The following CAGE1 variants were observed in gnomAD, a reference collection of about 807,000 sequenced individuals.
The protein encoded by CAGE1 is cancer-associated gene 1 protein.
Under a neutral mutation model 94.9 loss-of-function variants are expected in CAGE1, and 66 were observed. The ratio of observed to expected loss-of-function variants is 0.70; its 90% confidence interval spans 0.57 to 0.85. CAGE1 has a LOEUF of 0.85. Among genes scored for constraint, CAGE1 ranks in the 40% least tolerant of loss-of-function variants. CAGE1 has a pLI of 0.00. For synonymous variants in CAGE1, 319 were observed against 321.0 expected, an observed-to-expected ratio of 0.99 and a Z score of 0.07; for missense variants, 865 against 950.4, an observed-to-expected ratio of 0.91 and a Z score of 1.18.
intron 11 of CAGE1, among the ~76,000 whole-genome samples, chr6:7,352,290 C>CAAAAAAAAAAAAAAA (rs77426667): frequency 1.1e-4 from 5 of 43,626 alleles, no homozygotes; most frequent in South Asian, 9.9e-4. Context: ...ACAATAGCTG[C>CAAAAAAAAAAAAAAA]AAAAAAAAAA....
chr6:7,369,189 G>A (rs1020787070), intron 6 of CAGE1, among the ~76,000 whole-genome samples: 2 of 151,988 alleles, frequency 1.3e-5, no homozygotes, highest in African/African-American at 2.4e-5. Flanking sequence ...TGTATTTTTA[G>A]TAGAGATGGG....
chr6:7,374,670 A>C (rs920298481), intron 4 of CAGE1, among the ~76,000 whole-genome samples: 1 of 152,262 alleles, frequency 6.6e-6, no homozygotes, highest in Admixed American at 6.5e-5. Context: ...CAGGAACATT[A>C]GAATGGCAGA....
chr6:7,369,009 AAT>A (rs1760450674), intron 6 of CAGE1, among the ~76,000 whole-genome samples: 1 of 132,518 alleles, frequency 7.5e-6, no homozygotes, highest in African/African-American at 2.9e-5. Context: ...TTTTTATTTT[AAT>A]TTTTTTTTTT....
At chr6:7,388,167 C>T (rs925824075) in intron 1 of CAGE1, among the ~76,000 whole-genome samples, 3 of 152,108 alleles carry the variant, frequency 2.0e-5, no homozygotes, top group Non-Finnish European at 4.4e-5. Context: ...GAAAGGATGG[C>T]CACTCACATT....
intron 11 of CAGE1, among the ~76,000 whole-genome samples, chr6:7,344,676 C>T (rs1222474480): frequency 1.3e-5 from 2 of 152,344 alleles, no homozygotes; most frequent in South Asian, 2.1e-4. Flanking sequence ...GCCAGCTGAG[C>T]TTCTGAGTCT....
intron 3 of CAGE1, 132 bp from the exon 4 acceptor site, chr6:7,379,152 T>G: frequency 1.7e-6 from 1 of 579,012 alleles, no homozygotes; most frequent in East Asian, 3.1e-5. Context: ...CCTTATTTAC[T>G]GTGTGAATTT....
intron 11 of CAGE1, among the ~76,000 whole-genome samples, chr6:7,349,227 C>T (rs1442759745): frequency 6.6e-6 from 1 of 152,190 alleles, no homozygotes; most frequent in Non-Finnish European, 1.5e-5. Context: ...AGAAACCCTA[C>T]AAGCTAGAAG....
At chr6:7,337,669 T>C (rs1324895840) in intron 11 of CAGE1, among the ~76,000 whole-genome samples, 1 of 152,250 alleles carries the variant, frequency 6.6e-6, no homozygotes, top group Non-Finnish European at 1.5e-5. Context: ...CACTTGTCCA[T>C]ATATGCATGG....
intron 9 of CAGE1, among the ~76,000 whole-genome samples, chr6:7,358,137 C>A (rs1760044510): frequency 6.8e-6 from 1 of 146,090 alleles, no homozygotes; most frequent in Non-Finnish European, 1.5e-5. Flanking sequence ...ACCAAAGTTT[C>A]TTCTTGCCAC....
chr6:7,378,965 G>T lies in CAGE1; in HGVS notation c.339C>A (p.Ile113=). 6 of 1,571,804 alleles carry T rather than the reference G, an allele frequency of 3.8e-6. No homozygotes were observed. The highest frequency in any genetic ancestry group is 5.2e-6 in the Non-Finnish European group (6 of 1,156,944). The change falls in exon 4 of 14, where the codon ATC becomes ATA. Residue 113 remains isoleucine, a synonymous_variant. Coordinates refer to ENST00000502583, the MANE Select transcript of CAGE1 (RefSeq NM_001170692.2). ...TNALIQPVDT[I]SISSLRQFET... ...CAAATTGTCTCAAGGAAGATATGCT[G>T]ATGGTGTCAACTGGCTGAATTAGTG...
chr6:7,334,224 C>T (rs1196628410), intron 11 of CAGE1, 134 bp from the exon 12 acceptor site: 4 of 536,214 alleles, frequency 7.5e-6, no homozygotes, highest in African/African-American at 2.0e-5. Flanking sequence ...ACCACCTAAC[C>T]ATATAGAAAC....
intron 11 of CAGE1, among the ~76,000 whole-genome samples, chr6:7,345,236 A>G (rs972382651): frequency 2.7e-5 from 4 of 148,530 alleles, no homozygotes; most frequent in African/African-American, 1.0e-4. Flanking sequence ...CAGCCTACCA[A>G]GAAGAAGGAA....
At chr6:7,374,468 G>A (rs552246807) in intron 4 of CAGE1, among the ~76,000 whole-genome samples, 5 of 151,348 alleles carry the variant, frequency 3.3e-5, no homozygotes, top group African/African-American at 1.2e-4. Context: ...ACACATATAA[G>A]ATGCTTTGAC....
chr6:7,345,330 A>C (rs1759427332), intron 11 of CAGE1, among the ~76,000 whole-genome samples: 1 of 151,222 alleles, frequency 6.6e-6, no homozygotes, highest in Non-Finnish European at 1.5e-5. Context: ...GAGACCACTA[A>C]ACCCAGCAGG....
chr6:7,384,500 C>T (rs1487651605), intron 3 of CAGE1, among the ~76,000 whole-genome samples: 1 of 151,196 alleles, frequency 6.6e-6, no homozygotes, highest in Non-Finnish European at 1.5e-5. Flanking sequence ...GGTGTGGTGG[C>T]TGATACCTGT....
rs1362447838 is a variant in CAGE1 at position 7,355,996 on chromosome 6, C to T, written c.2298+29G>A. ...TGGGTGACAGAGTGAGATCTTGTCT[C>T]AAAATACAAAAGAAAAAAAAATGTC... On this transcript the variant is annotated intron_variant, in intron 10 of 13. Coordinates refer to ENST00000502583, the MANE Select transcript of CAGE1 (RefSeq NM_001170692.2). 3.8e-6 allele frequency: 5 copies of T among 1,318,976 alleles called. No homozygotes were observed. The African/African-American group carries it at 4.4e-5, about 12-fold the overall frequency. 81.7% of individuals were successfully genotyped at this position (1,318,976 alleles called of 1,614,324 possible). A position where few individuals can be genotyped will look rare whatever the true frequency, so the allele number is the denominator to read the frequency against.
chr6:7,378,566 A>G, intron 4 of CAGE1, 51 bp downstream of exon 4: 1 of 1,463,846 alleles, frequency 6.8e-7, no homozygotes, highest in Non-Finnish European at 9.2e-7. Context: ...GAACTAGGTT[A>G]GAACTATTCT....
In CAGE1 at chr6:7,339,106, C is replaced by T. The variant is rs1053909053; in HGVS notation, c.2370-5016G>A. The T allele has an allele frequency of 1.3e-5, 20 of 1,583,562 alleles. No individual in the cohort carries two copies. In the African/African-American group the frequency reaches 1.6e-4, roughly 13 times the overall value. ...GGGTCTCTGCTGTGGATCATCAGGC[C>T]GTCCACAAACTTCATGGATTTAGCT... On this transcript the variant is annotated intron_variant, in intron 11 of 13. Transcript: ENST00000502583. This position sits in a 1 kb window ranked among gnomAD's most constrained non-coding sequence, Gnocchi z 4.7.
intron 1 of CAGE1, among the ~76,000 whole-genome samples, chr6:7,387,457 G>A (rs4960309): frequency 0.88 from 134,307 of 152,178 alleles, 59,866 homozygotes; most frequent in Middle Eastern, 0.97. Flanking sequence ...AGGGATCTCT[G>A]TGTTATTTAA....
Sources: gnomAD v4.1 joint callset for allele counts (sites outside exome capture counted in the v4.1 genomes callset) on GRCh38, gnomAD v4.1.1 for gene constraint, Gnocchi (gnomAD v3.1) non-coding constraint, MANE v1.5 for transcripts, NCBI Gene and HGNC (gene_info 2026-07-23, HGNC 2026-07-21) for gene names.